Variants in SLC4A2 observed in about 807,000 individuals in gnomAD.
The protein encoded by SLC4A2 is anion exchange protein 2.
A neutral mutation model predicts 115.0 loss-of-function variants in SLC4A2; 36 were observed. That is an observed-to-expected ratio of 0.31 (90% confidence interval 0.24 to 0.41). The LOEUF (loss-of-function observed/expected upper bound fraction) is 0.41. Among genes scored for constraint, SLC4A2 ranks in the 10% least tolerant of loss-of-function variants. The pLI is 1.00. For synonymous variants in SLC4A2, 708 were observed against 708.3 expected (o/e 1.00, Z 0.01); for missense variants, 1,252 against 1,705.6 (o/e 0.73, Z 4.68).
At chr7:151,063,709 G>A (rs536397823) in intron 2 of SLC4A2, among the ~76,000 whole-genome samples, 1 of 152,092 alleles carries the variant, frequency 6.6e-6, no homozygotes, top group South Asian at 2.1e-4. Context: ...GGAGGACTGG[G>A]TCCCTATATT....
At chr7:151,073,286 ATTTG>A (rs1409029630) in intron 16 of SLC4A2, among the ~76,000 whole-genome samples, 1 of 146,818 alleles carries the variant, frequency 6.8e-6, no homozygotes, top group Non-Finnish European at 1.5e-5. Flanking sequence ...ATTTTATTTT[ATTTG>A]TTTATTTGTT....
intron 19 of SLC4A2, 66 bp downstream of exon 19, chr7:151,074,907 T>TGG: frequency 6.8e-7 from 1 of 1,472,868 alleles, no homozygotes; most frequent in Non-Finnish European, 9.1e-7. Context: ...GAACTCAGCA[T>TGG]GGAACCTCCA....
chr7:151,067,824 G>A (rs765504757), intron 7 of SLC4A2, 50 bp from the exon 8 acceptor site: 5 of 1,562,690 alleles, frequency 3.2e-6, no homozygotes, highest in Non-Finnish European at 3.5e-6. Flanking sequence ...ACCCACCCCA[G>A]GGCTGCCTCC....
In SLC4A2 at chr7:151,062,055, G is replaced by C; in HGVS notation, c.51+17G>C. ...TTCTGTACGGTGAGTGTGGCCCCCA[G>C]GTCGCCAGCCCAACCTTCCCTCCCT... On this transcript the variant is annotated intron_variant, in intron 2 of 22. Coordinates refer to ENST00000413384, the MANE Select transcript of SLC4A2 (RefSeq NM_003040.4). The C allele has an allele frequency of 1.2e-6, 2 of 1,607,100 alleles. No homozygotes were observed. The highest frequency in any genetic ancestry group is 1.7e-6 in the Non-Finnish European group (2 of 1,178,226).
rs146845870 is a variant in SLC4A2 at position 151,070,264 on chromosome 7, G to A, written c.1367G>A (p.Gly456Asp). 2.4e-5 allele frequency: 38 copies of A among 1,614,020 alleles called. No individual in the cohort carries two copies. The highest frequency in any genetic ancestry group is 3.1e-5 in the Non-Finnish European group (37 of 1,180,030). ...GGCTCCCTGCTGGGGCATCACCATG[G>A]TCAGGGGGCTGAGAGTGACCCCCAC... Reference protein sequence around the residue: ...SLGSLLGHHHGQGAESDPHVT... With the variant: ...SLGSLLGHHHDQGAESDPHVT... The change falls in exon 10 of 23, where the codon GGT (glycine) becomes GAT (aspartate). Residue 456 changes from glycine (G) to aspartate (D), a missense_variant. Physicochemically the swap from Gly to Asp is moderately conservative, Grantham distance 94 (BLOSUM62 -1). This residue lies in a region of SLC4A2 where 142 missense variants were observed against 153.5 expected (regional missense o/e 0.93). Coordinates refer to ENST00000413384, the MANE Select transcript of SLC4A2 (RefSeq NM_003040.4).
At position 151,064,702 on chromosome 7, in the gene SLC4A2, A is replaced by C; in HGVS notation, c.394A>C (p.Ser132Arg). ...EEGEEDEDEA[S>R]EAEGARALTQ... Reference sequence around the variant, plus strand: ...GGGGGAGGAAGATGAGGATGAGGCCAGCGAGGCTGAGGGGGCCCGGGCTCT... The same window carrying C: ...GGGGGAGGAAGATGAGGATGAGGCCCGCGAGGCTGAGGGGGCCCGGGCTCT... Residue 132 changes from serine (S) to arginine (R), a missense_variant, in exon 4 of 23, where the codon AGC (serine) becomes CGC (arginine). Ser to Arg is a moderately radical substitution (Grantham distance 110). Transcript: ENST00000413384. 1 of 1,613,432 alleles carries C rather than the reference A, an allele frequency of 6.2e-7. No homozygotes were observed. The highest frequency in any genetic ancestry group is 8.5e-7 in the Non-Finnish European group (1 of 1,179,686).
intron 22 of SLC4A2, 21 bp downstream of exon 22, chr7:151,076,207 C>T (rs1318662222): frequency 6.2e-7 from 1 of 1,610,560 alleles, no homozygotes; most frequent in South Asian, 1.1e-5. Flanking sequence ...CCGTCTGCCT[C>T]CCCCGGTTCC....
chr7:151,062,673 G>T (rs1230198605), intron 2 of SLC4A2: 14 of 1,513,590 alleles, frequency 9.2e-6, no homozygotes, highest in Admixed American at 8.3e-5. Context: ...GGTGCGAGGG[G>T]TCTGCGACCC....
Position 151,075,279 on chromosome 7 carries a change from C to A in SLC4A2, c.3072C>A (p.Arg1024=), listed in dbSNP as rs1797585284. The A allele has an allele frequency of 3.1e-6, 5 of 1,613,340 alleles. No homozygotes were observed. The highest frequency in any genetic ancestry group is 3.4e-6 in the Non-Finnish European group (4 of 1,180,028). Residue 1024 remains arginine (R), a synonymous_variant, in exon 20 of 23, where the codon CGC becomes CGA. Transcript: ENST00000413384. ...ITTLIISKKE[R]MLQKGSGFHL... ...GGCTCATCATCTCCAAGAAGGAGCG[C>A]ATGCTGCAGAAGGGCTCCGGCTTCC... is the stretch of plus-strand genomic sequence containing the variant.
At position 151,071,544 on chromosome 7, in the gene SLC4A2, C is replaced by T. The variant is rs752818206; in HGVS notation, c.2130C>T (p.Ala710=). The part of the protein sequence containing the change: ...FRDALDPQCL[A]AVIFIYFAAL... ...ATGCACTTGACCCTCAGTGCCTGGC[C>T]GCAGTCATCTTCATCTACTTTGCCG... The change falls in exon 14 of 23, where the codon GCC becomes GCT. Residue 710 remains alanine, a synonymous_variant. Transcript: ENST00000413384. This position sits in a 1 kb window ranked among gnomAD's most constrained non-coding sequence, Gnocchi z 5.5. 81 of 1,613,896 alleles carry T rather than the reference C, an allele frequency of 5.0e-5. No individual in the cohort carries two copies. The highest frequency in any genetic ancestry group is 1.2e-4 in the Admixed American group (7 of 59,998).
rs1033567250 is a variant in SLC4A2, at chr7:151,075,240, C to T, written c.3048-15C>T. 2 of 1,611,736 alleles carry T rather than the reference C, an allele frequency of 1.2e-6. No homozygotes were observed. Among genetic ancestry groups the T allele is most frequent in the South Asian group, 2.2e-5 (2 of 91,026 alleles). Reference sequence around the variant, plus strand: ...AGTCCAGCCTGGGCCTCAGCAGCACCCCTCCCGCTCTCAGGCTCATCATCT... The same window carrying T: ...AGTCCAGCCTGGGCCTCAGCAGCACTCCTCCCGCTCTCAGGCTCATCATCT... On this transcript the variant is annotated splice_polypyrimidine_tract_variant and intron_variant, in intron 19 of 22. Transcript: ENST00000413384.
At chr7:151,061,885 C>T (rs1268742037) in intron 1 of SLC4A2, 40 bp from the exon 2 acceptor site, 5 of 1,123,068 alleles carry the variant, frequency 4.5e-6, no homozygotes, top group Non-Finnish European at 6.5e-6. Flanking sequence ...TCCTGCCCTC[C>T]CAGGGCTCTC....
intron 8 of SLC4A2, among the ~76,000 whole-genome samples, chr7:151,068,703 A>G (rs1261953715): frequency 6.6e-6 from 1 of 151,912 alleles, no homozygotes; most frequent in African/African-American, 2.4e-5. Context: ...TATTTTTAGT[A>G]GAGATGGGGT....
Position 151,074,097 on chromosome 7 carries a change from G to A in SLC4A2, c.2594G>A (p.Gly865Asp), listed in dbSNP as rs781475861. 1 of 1,609,802 alleles carries A rather than the reference G, an allele frequency of 6.2e-7. No individual in the cohort carries two copies. The highest frequency in any genetic ancestry group is 1.1e-5 in the South Asian group (1 of 90,884). Residue 865 changes from glycine (G) to aspartate (D), a missense_variant, in exon 17 of 23, where the codon GGC (glycine) becomes GAC (aspartate). Gly to Asp is a moderately conservative substitution (Grantham distance 94, BLOSUM62 -1). Coordinates refer to ENST00000413384, the MANE Select transcript of SLC4A2 (RefSeq NM_003040.4). ...CSASNSSEVDGGENMTWAGAR... is the reference protein window; with the variant it reads ...CSASNSSEVDDGENMTWAGAR... Reference sequence around the variant, plus strand: ...GCCTCCAACAGCTCAGAGGTGGACGGCGGTGAGAACATGACATGGGCCGGG... The same window carrying A: ...GCCTCCAACAGCTCAGAGGTGGACGACGGTGAGAACATGACATGGGCCGGG...
upstream of SLC4A2, chr7:151,059,527 G>A (rs908659358): frequency 1.3e-4 from 14 of 106,270 alleles, no homozygotes; most frequent in African/African-American, 5.3e-4. This position sits in a 1 kb window ranked among gnomAD's most constrained non-coding sequence, Gnocchi z 5.8. Flanking sequence ...CCCCCGCCCC[G>A]GCCCCCGCTC....
In SLC4A2 at chr7:151,066,988, C is replaced by T; in HGVS notation, c.961C>T (p.His321Tyr). ...RARPRAPHKP[H>Y]EVFVELNELL... is the part of the protein sequence containing the mutation. ...CCGACCCCGGGCCCCCCACAAGCCC[C>T]ATGAGGTACCATGCTCTGCTTCATG... The change falls in exon 7 of 23, where the codon CAT becomes TAT. Residue 321 changes from histidine to tyrosine, a missense_variant. Physicochemically the swap from His to Tyr is moderately conservative, Grantham distance 83. Transcript: ENST00000413384. 1 of 1,596,904 alleles carries T rather than the reference C, an allele frequency of 6.3e-7. No individual in the cohort carries two copies. The highest frequency in any genetic ancestry group is 8.5e-7 in the Non-Finnish European group (1 of 1,173,426).
Position 151,074,029 on chromosome 7 carries a change from C to G in SLC4A2, c.2536-10C>G. ...CAGCTGATGGAGGCCGTGTGGCCTC[C>G]TCTCCCCAGATCTTCCAGGAGCACC... On this transcript the variant is annotated splice_polypyrimidine_tract_variant and intron_variant, in intron 16 of 22. Transcript: ENST00000413384. The G allele has an allele frequency of 6.4e-7, 1 of 1,559,210 alleles. No individual in the cohort carries two copies. The highest frequency in any genetic ancestry group is 8.7e-7 in the Non-Finnish European group (1 of 1,149,440).
At chr7:151,061,888 G>C in intron 1 of SLC4A2, 37 bp from the exon 2 acceptor site, 1 of 1,143,484 alleles carries the variant, frequency 8.7e-7, no homozygotes, top group Non-Finnish European at 1.3e-6. Context: ...TGCCCTCCCA[G>C]GGCTCTCGAT....
intron 12 of SLC4A2, 80 bp from the exon 13 acceptor site, chr7:151,070,992 C>G: frequency 1.3e-6 from 2 of 1,589,578 alleles, no homozygotes; most frequent in South Asian, 2.2e-5. Flanking sequence ...GCCTCCCACC[C>G]ACTGGCCTTG....
Sources: gnomAD v4.1 joint callset for allele counts (sites outside exome capture counted in the v4.1 genomes callset) on GRCh38, gnomAD v4.1.1 for gene constraint, gnomAD v4.1.1 regional missense constraint, Gnocchi (gnomAD v3.1) non-coding constraint, MANE v1.5 for transcripts, NCBI Gene and HGNC (gene_info 2026-07-23, HGNC 2026-07-21) for gene names.